MIB1: variants seen among roughly 807,000 people sequenced by gnomAD.
MIB1 encodes MIB E3 ubiquitin protein ligase 1, also known as E3 ubiquitin-protein ligase MIB1.
In MIB1, 278 loss-of-function variants were observed where a neutral mutation model predicts 124.5. The ratio of observed to expected loss-of-function variants is 2.23; its 90% CI spans 2.02 to 2.47. The LOEUF (loss-of-function observed/expected upper bound fraction) is 2.47. Ranked by LOEUF, MIB1 falls within the 30% of genes most tolerant of loss-of-function variation. MIB1 has a pLI of 0.00. For synonymous variants in MIB1, 446 were observed against 429.4 expected (o/e 1.04, Z -0.48); for missense variants, 957 against 1,254.4 (o/e 0.76, Z 3.58).
chr18:21,742,898 TAATTCGTAA>T (rs1230391022), intron 1 of MIB1, among the ~76,000 whole-genome samples: 3 of 152,236 alleles, frequency 2.0e-5, no homozygotes, highest in Non-Finnish European at 4.4e-5. Context: ...TTTGAACAGA[TAATTCGTAA>T]AATTGTGTTC....
intron 10 of MIB1, among the ~76,000 whole-genome samples, chr18:21,815,011 T>TTATATACATATATA (rs1402179214): frequency 1.1e-4 from 6 of 52,654 alleles, no homozygotes; most frequent in African/African-American, 3.7e-4. Flanking sequence ...GCTGTTGGTT[T>TTATATACATATATA]TATATATATA....
At chr18:21,723,780 T>C (rs892028572) in intron 1 of MIB1, among the ~76,000 whole-genome samples, 3 of 152,156 alleles carry the variant, frequency 2.0e-5, no homozygotes, top group African/African-American at 7.2e-5. Flanking sequence ...TCCCAAAGTG[T>C]TGGGATTACA....
chr18:21,863,138 C>T (rs780895063), intron 20 of MIB1, among the ~76,000 whole-genome samples: 1 of 152,164 alleles, frequency 6.6e-6, no homozygotes, highest in Non-Finnish European at 1.5e-5. Context: ...AGCACATGAA[C>T]GAGCAATTGC....
At chr18:21,763,130 A>G (rs2041117450) in intron 1 of MIB1, among the ~76,000 whole-genome samples, 1 of 151,912 alleles carries the variant, frequency 6.6e-6, no homozygotes, top group South Asian at 2.1e-4. Context: ...TAGCCTCACA[A>G]TGTCTCTTTC....
At chr18:21,836,138 C>T (rs2146497383) in intron 12 of MIB1, among the ~76,000 whole-genome samples, 1 of 152,030 alleles carries the variant, frequency 6.6e-6, no homozygotes, top group East Asian at 1.9e-4. Context: ...CCCATACTCC[C>T]AGCTACTCGG....
chr18:21,800,233 T>G (rs1051705019), intron 9 of MIB1, among the ~76,000 whole-genome samples: 5 of 152,044 alleles, frequency 3.3e-5, no homozygotes, highest in African/African-American at 1.2e-4. Flanking sequence ...AGTATCCTTT[T>G]GGGAAATTCA....
intron 12 of MIB1, chr18:21,825,497 T>C (rs150570870): frequency 3.6e-6 from 1 of 281,242 alleles, no homozygotes; most frequent in East Asian, 1.4e-4. Context: ...TAAGTAAAAT[T>C]TTTATTTGAA....
intron 18 of MIB1, among the ~76,000 whole-genome samples, chr18:21,855,408 G>GA (rs1300746546): frequency 3.9e-5 from 6 of 152,188 alleles, no homozygotes; most frequent in African/African-American, 1.4e-4. Context: ...AGAGAAGATA[G>GA]AAGCAAAGAT....
intron 10 of MIB1, among the ~76,000 whole-genome samples, chr18:21,815,011 T>TTATATATATATATATATATATATA (rs60363843): frequency 1.9e-5 from 1 of 52,650 alleles, no homozygotes; most frequent in Non-Finnish European, 3.8e-5. Flanking sequence ...GCTGTTGGTT[T>TTATATATATATATATATATATATA]TATATATATA....
intron 6 of MIB1, among the ~76,000 whole-genome samples, chr18:21,790,054 A>G (rs1466046549): frequency 6.6e-6 from 1 of 152,236 alleles, no homozygotes; most frequent in Non-Finnish European, 1.5e-5. Flanking sequence ...TGCCTGTATA[A>G]AGACATCAGC....
intron 17 of MIB1, among the ~76,000 whole-genome samples, chr18:21,851,908 G>C (rs2042183586): frequency 6.6e-6 from 1 of 152,038 alleles, no homozygotes; most frequent in African/African-American, 2.4e-5. Flanking sequence ...ATGGTTTTTA[G>C]ATCAGTTTGC....
intron 20 of MIB1, among the ~76,000 whole-genome samples, chr18:21,860,614 A>G (rs191409120): frequency 1.4e-4 from 21 of 152,324 alleles, no homozygotes; most frequent in South Asian, 2.1e-4. Flanking sequence ...AGTTTGGCCA[A>G]TCACGTCAGT....
chr18:21,822,940 A>C (rs892765526), intron 12 of MIB1, among the ~76,000 whole-genome samples: 2 of 151,984 alleles, frequency 1.3e-5, no homozygotes, highest in African/African-American at 4.8e-5. Flanking sequence ...TCTCTAAAAA[A>C]TTAAAAAATT....
intron 20 of MIB1, among the ~76,000 whole-genome samples, chr18:21,860,040 A>G (rs1035456531): frequency 2.0e-5 from 3 of 150,368 alleles, no homozygotes; most frequent in Non-Finnish European, 3.0e-5. Flanking sequence ...AGGGGCTTCA[A>G]AAATAAGAGT....
At chr18:21,709,609 G>C (rs889732155) in intron 1 of MIB1, among the ~76,000 whole-genome samples, 4 of 152,210 alleles carry the variant, frequency 2.6e-5, no homozygotes, top group Non-Finnish European at 4.4e-5. Flanking sequence ...CCTCCCAGCT[G>C]TGGAGGTAGG....
chr18:21,795,618 G>C (rs996658666), intron 7 of MIB1, among the ~76,000 whole-genome samples: 9 of 151,498 alleles, frequency 5.9e-5, no homozygotes, highest in African/African-American at 1.7e-4. Flanking sequence ...ATTGTAAAAC[G>C]AAGTTAAATT....
chr18:21,799,805 C>A (rs765470417), intron 8 of MIB1, 36 bp from the exon 9 acceptor site: 3 of 1,573,608 alleles, frequency 1.9e-6, no homozygotes, highest in Non-Finnish European at 8.6e-7. Context: ...GGTTTGAGAT[C>A]CTCCTATATT....
chr18:21,835,421 G>C (rs947844442), intron 12 of MIB1, among the ~76,000 whole-genome samples: 25 of 152,118 alleles, frequency 1.6e-4, no homozygotes, highest in African/African-American at 5.8e-4. Flanking sequence ...ATGATTCCCT[G>C]GTTTCTGAGT....
intron 12 of MIB1, chr18:21,825,934 T>C (rs2041921104): frequency 3.0e-6 from 1 of 336,004 alleles, no homozygotes; most frequent in Non-Finnish European, 5.9e-6. Context: ...TTTCCTACTG[T>C]TTTCCTGCGC....
Sources: gnomAD v4.1 joint callset for allele counts (sites outside exome capture counted in the v4.1 genomes callset) on GRCh38, gnomAD v4.1.1 for gene constraint, MANE v1.5 for transcripts, NCBI Gene and HGNC (gene_info 2026-07-23, HGNC 2026-07-21) for gene names.